The following TTN variants were observed in gnomAD, a reference collection of about 807,000 sequenced individuals.
TTN encodes connectin.
Under a neutral mutation model 3,223.0 loss-of-function variants are expected in TTN, and 1,525 were observed. The observed-to-expected ratio is 0.47, with a 90% CI of 0.45 to 0.49. TTN has a LOEUF of 0.49. TTN is among the 20% of genes least tolerant of loss of function. The pLI, the probability that TTN is intolerant of heterozygous loss-of-function variation, is 0.00. For missense variants in TTN, 40,786 were observed against 43,424.0 expected, an observed-to-expected ratio of 0.94 and a Z score of 5.40; for synonymous variants, 14,094 against 15,161.0, an observed-to-expected ratio of 0.93 and a Z score of 5.17.
chr2:178,620,982 T>C lies in TTN; in HGVS notation c.45628A>G (p.Ile15210Val). 1.2e-6 allele frequency: 2 copies of C among 1,609,870 alleles called. No homozygotes were observed. Among genetic ancestry groups the C allele is most frequent in the Non-Finnish European group, 1.7e-6 (2 of 1,178,566 alleles). The change falls in exon 247 of 363, where the codon ATC (isoleucine) becomes GTC (valine). Residue 15210 changes from isoleucine to valine, a missense_variant. Ile to Val is a conservative substitution (Grantham distance 29). Transcript: ENST00000589042. ...AHLTVIEKLRIVVPLKDTRVK... is the reference protein window; with the variant it reads ...AHLTVIEKLRVVVPLKDTRVK... ...CGGGTGTCCTTAAGAGGAACTACGA[T>C]CCTGAGTTTTTCTGAAAGCAACCGA... is the stretch of plus-strand genomic sequence containing the variant.
In TTN at chr2:178,617,798, G is replaced by A. The variant is rs1207097069; in HGVS notation, c.47553C>T (p.Val15851=). Residue 15851 remains valine (V), a synonymous_variant, in exon 253 of 363, where the codon GTC becomes GTT. Transcript: ENST00000589042. The stretch of plus-strand genomic sequence containing the variant: ...GCTTACCAATTGGATCAGCAACTTT[G>A]ACGAAGGGTGTGGCTGCACTTGGTT... ...VGKPSAATPF[V]KVADPIERPS... The A allele has an allele frequency of 2.5e-6, 4 of 1,612,126 alleles. No individual in the cohort carries two copies. In the South Asian group the frequency reaches 3.3e-5, roughly 13 times the overall value.
In TTN at chr2:178,775,696, T is replaced by G. The variant is rs760451020; in HGVS notation, c.6168A>C (p.Glu2056Asp). The change falls in exon 28 of 363, where the codon GAA (glutamate) becomes GAC (aspartate). Residue 2056 changes from glutamate (E) to aspartate (D), a missense_variant. Transcript: ENST00000589042. ...TEEEKKALAE[E>D]GKITIPTFKP... ...TAAAAGTTGGAATCGTGATTTTGCC[T>G]TCTTCGGCAAGAGCTTTCTTTTCCT... is the stretch of plus-strand genomic sequence containing the variant. 1 of 1,614,156 alleles carries G rather than the reference T, an allele frequency of 6.2e-7. No homozygotes were observed.
intron 47 of TTN, chr2:178,751,427 T>A: frequency 3.7e-6 from 6 of 1,611,178 alleles, no homozygotes; most frequent in Non-Finnish European, 5.1e-6. Context: ...TGTCTTAAAA[T>A]GTATAGTTCT....
chr2:178,616,500 G>T lies in TTN; in HGVS notation c.48291C>A (p.Val16097=). Residue 16097 remains valine, a synonymous_variant, in exon 257 of 363, where the codon GTC becomes GTA. Transcript: ENST00000589042. ...LTGYVVEKRE[V]SRKTWTKVMD... is the part of the protein sequence containing the mutation. The stretch of plus-strand genomic sequence containing the variant: ...TCACTTTAGTCCATGTTTTCCGGCT[G>T]ACTTCTCGTTTTTCAACAACGTATC... The T allele has an allele frequency of 6.2e-7, 1 of 1,612,214 alleles. No homozygotes were observed. The highest frequency in any genetic ancestry group is 8.5e-7 in the Non-Finnish European group (1 of 1,178,806).
chr2:178,642,914 T>C (rs1354201283), intron 218 of TTN, among the ~76,000 whole-genome samples: 1 of 152,002 alleles, frequency 6.6e-6, no homozygotes, highest in Non-Finnish European at 1.5e-5. Context: ...AAAGCTGGTG[T>C]TGGAAGCTCG....
Position 178,560,998 on chromosome 2 carries a change from A to T in TTN, c.85134T>A (p.Asn28378Lys). The change falls in exon 326 of 363, where the codon AAT becomes AAA. Residue 28378 changes from asparagine (N) to lysine (K), a missense_variant. Physicochemically the swap from Asn to Lys is moderately conservative, Grantham distance 94 (BLOSUM62 0). Transcript: ENST00000589042. ...GCAGAGGTCGCCCTGCAATGTCTGC[A>T]TTTATCTTAAGGACCTCTCCAGCTT... is the stretch of plus-strand genomic sequence containing the variant. ...VVKAGEVLKI[N>K]ADIAGRPLPV... The T allele has an allele frequency of 6.2e-7, 1 of 1,613,816 alleles. No individual in the cohort carries two copies. Among genetic ancestry groups the T allele is most frequent in the Non-Finnish European group, 8.5e-7 (1 of 1,179,806 alleles).
intron 304 of TTN, 64 bp from the exon 305 acceptor site, chr2:178,588,283 A>G: frequency 1.4e-6 from 2 of 1,408,200 alleles, no homozygotes; most frequent in Admixed American, 2.6e-5. Context: ...AATTTTATAT[A>G]GCCTATTCTC....
chr2:178,666,788 A>G (rs2066001604), intron 163 of TTN, 36 bp downstream of exon 163: 2 of 1,504,224 alleles, frequency 1.3e-6, no homozygotes, highest in African/African-American at 1.4e-5. Context: ...AACTGCAAAC[A>G]TGAGATTAAA....
chr2:178,749,398 G>A, intron 47 of TTN: 1 of 1,613,084 alleles, frequency 6.2e-7, no homozygotes, highest in Non-Finnish European at 8.5e-7. Context: ...GCACAAATCT[G>A]GGAATTTTTT....
At chr2:178,617,597 CATT>C in intron 253 of TTN, 85 bp from the exon 254 acceptor site, 1 of 1,431,330 alleles carries the variant, frequency 7.0e-7, no homozygotes. Flanking sequence ...ATATCATCCT[CATT>C]AACAGGTTTA....
At position 178,620,473 on chromosome 2, in the gene TTN, T is replaced by G. The variant is rs773176101; in HGVS notation, c.46048A>C (p.Arg15350=). 5.0e-6 allele frequency: 8 copies of G among 1,612,436 alleles called. No homozygotes were observed. The South Asian group carries it at 8.8e-5, about 18-fold the overall frequency. ...EVPFDNRVSY[R]VDKYKHMLTI... The stretch of plus-strand genomic sequence containing the variant: ...AACATGTGCTTGTACTTATCAACTC[T>G]GTATGAGACACGGTTGTCAAAAGGC... The change falls in exon 248 of 363, where the codon AGA becomes CGA. Residue 15350 remains arginine (R), a synonymous_variant. Coordinates refer to ENST00000589042, the MANE Select transcript of TTN (RefSeq NM_001267550.2).
In TTN at chr2:178,569,527, T is replaced by C; in HGVS notation, c.76605A>G (p.Lys25535=). 2 of 1,612,742 alleles carry C rather than the reference T, an allele frequency of 1.2e-6. No individual in the cohort carries two copies. Among genetic ancestry groups the C allele is most frequent in the Non-Finnish European group, 1.7e-6 (2 of 1,179,266 alleles). The change falls in exon 326 of 363, where the codon AAA becomes AAG. Residue 25535 remains lysine (K), a synonymous_variant. Coordinates refer to ENST00000589042, the MANE Select transcript of TTN (RefSeq NM_001267550.2). ...GGSLRLFVPI[K]GRPTPEVKWG... Reference sequence around the variant, plus strand: ...ATTTAACTTCTGGTGTAGGACGACCTTTTATAGGAACAAATAACCTTAAGG... The same window carrying C: ...ATTTAACTTCTGGTGTAGGACGACCCTTTATAGGAACAAATAACCTTAAGG...
chr2:178,665,048 C>G, intron 165 of TTN, 122 bp from the exon 166 acceptor site: 1 of 1,184,874 alleles, frequency 8.4e-7, no homozygotes, highest in South Asian at 1.5e-5. Flanking sequence ...CTTTGTTCCA[C>G]CAATAGGCTA....
In TTN at chr2:178,624,999, A is replaced by G. The variant is rs12614435; in HGVS notation, c.44549-268T>C. 0.19 allele frequency among the ~76,000 whole-genome samples: 28,681 copies of G among 151,940 alleles called. 3,080 individuals are homozygous for G. Among genetic ancestry groups the G allele is most frequent in the East Asian group, 0.46 (2,326 of 5,110 alleles). ...TAAAGTGATGGATACCTAGCTTGAT[A>G]ATAATTCTTCCTCCAGCTGGCTTTT... On this transcript the variant is annotated intron_variant, in intron 241 of 362. Coordinates refer to ENST00000589042, the MANE Select transcript of TTN (RefSeq NM_001267550.2).
chr2:178,782,096 G>T, intron 20 of TTN, 116 bp downstream of exon 20: 1 of 1,224,164 alleles, frequency 8.2e-7, no homozygotes, highest in Non-Finnish European at 1.2e-6. Context: ...AAACTAAGAA[G>T]GCTCCACAAT....
chr2:178,738,227 C>A lies in TTN; in HGVS notation c.14226G>T (p.Glu4742Asp). ...QWFKAGREIY[E>D]SDKCSIRSSK... ...AAGATCGAATAGAACACTTGTCACT[C>A]TCATAAATTTCTCGGCCAGCTTTAA... The change falls in exon 49 of 363, where the codon GAG (glutamate) becomes GAT (aspartate). Residue 4742 changes from glutamate (E) to aspartate (D), a missense_variant. Glu to Asp is a conservative substitution (Grantham distance 45). Coordinates refer to ENST00000589042, the MANE Select transcript of TTN (RefSeq NM_001267550.2). 1 of 1,613,580 alleles carries A rather than the reference C, an allele frequency of 6.2e-7. No individual in the cohort carries two copies. Among genetic ancestry groups the A allele is most frequent in the Non-Finnish European group, 8.5e-7 (1 of 1,179,738 alleles).
intron 213 of TTN, among the ~76,000 whole-genome samples, chr2:178,648,251 T>C (rs2062338393): frequency 1.3e-5 from 2 of 152,044 alleles, no homozygotes; most frequent in African/African-American, 4.8e-5. Flanking sequence ...CATCTTTATA[T>C]CTGGTATTAT....
rs543225150 is a variant in TTN, at chr2:178,780,643, T to C, written c.3524-438A>G. Among the ~76,000 whole-genome samples, 8 of 152,370 alleles carry C rather than the reference T, an allele frequency of 5.3e-5. No homozygotes were observed. In the East Asian group the frequency reaches 1.3e-3, roughly 26 times the overall value. ...ACAGTCTAGCATGAAAGCTGTTACATTTGTTTTCAAGTTATAAACATTGAA... is the reference window on the plus strand; with the variant it reads ...ACAGTCTAGCATGAAAGCTGTTACACTTGTTTTCAAGTTATAAACATTGAA... On this transcript the variant is annotated intron_variant, in intron 21 of 362. Coordinates refer to ENST00000589042, the MANE Select transcript of TTN (RefSeq NM_001267550.2).
Position 178,617,006 on chromosome 2 carries a change from T to C in TTN, c.47883A>G (p.Pro15961=). 1 of 1,612,408 alleles carries C rather than the reference T, an allele frequency of 6.2e-7. No individual in the cohort carries two copies. Among genetic ancestry groups the C allele is most frequent in the South Asian group, 1.1e-5 (1 of 90,948 alleles). ...PLTADDAFVE[P]TMDLSAFKDG... Reference sequence around the variant, plus strand: ...CTTTAAATGCACTTAAATCCATTGTTGGTTCAACTACAAAGAAGAAAAGTT... The same window carrying C: ...CTTTAAATGCACTTAAATCCATTGTCGGTTCAACTACAAAGAAGAAAAGTT... Residue 15961 remains proline, a synonymous_variant, in exon 256 of 363, where the codon CCA becomes CCG. Transcript: ENST00000589042.
Sources: allele counts gnomAD v4.1 joint callset (sites outside exome capture counted in the v4.1 genomes callset), GRCh38; gene constraint gnomAD v4.1.1; transcripts MANE v1.5; gene names NCBI Gene and HGNC (gene_info 2026-07-23, HGNC 2026-07-21).